Variants in ADAMTSL1 observed in about 807,000 individuals in gnomAD.
The protein encoded by ADAMTSL1 is ADAMTS-like protein 1.
Under a neutral mutation model 201.8 loss-of-function variants are expected in ADAMTSL1, and 126 were observed. That is an observed-to-expected ratio of 0.62 (90% CI 0.54 to 0.72). ADAMTSL1 has a LOEUF of 0.72. ADAMTSL1 is among the 30% of genes least tolerant of loss of function. The pLI, the probability that ADAMTSL1 is intolerant of heterozygous loss-of-function variation, is 0.00. For synonymous variants in ADAMTSL1, 1,121 were observed against 903.4 expected, an observed-to-expected ratio of 1.24 and a Z score of -4.32; for missense variants, 2,679 against 2,277.8, an observed-to-expected ratio of 1.18 and a Z score of -3.59.
chr9:18,052,372 T>TTC (rs1186831066), intron 1 of ADAMTSL1, among the ~76,000 whole-genome samples: 3 of 152,222 alleles, frequency 2.0e-5, no homozygotes, highest in African/African-American at 7.2e-5. Flanking sequence ...GAGAAGGGTT[T>TTC]TCTGGGGTAG....
chr9:18,382,833 T>C (rs1489275173), intron 2 of ADAMTSL1, among the ~76,000 whole-genome samples: 1 of 152,140 alleles, frequency 6.6e-6, no homozygotes, highest in East Asian at 1.9e-4. Flanking sequence ...ACAATGCTCA[T>C]TATAACACAG....
At chr9:18,153,142 C>G (rs1450110309) in intron 1 of ADAMTSL1, among the ~76,000 whole-genome samples, 1 of 152,028 alleles carries the variant, frequency 6.6e-6, no homozygotes, top group Admixed American at 6.6e-5. Context: ...ATTCATTGAG[C>G]TTGCAGTCAG....
chr9:18,270,008 C>T (rs1035021568), intron 2 of ADAMTSL1, among the ~76,000 whole-genome samples: 2 of 152,074 alleles, frequency 1.3e-5, no homozygotes, highest in African/African-American at 4.8e-5. Context: ...TACAAGACTC[C>T]TTCCCATAAT....
At chr9:17,992,692 C>T (rs1819208061) in intron 1 of ADAMTSL1, among the ~76,000 whole-genome samples, 1 of 152,120 alleles carries the variant, frequency 6.6e-6, no homozygotes, top group African/African-American at 2.4e-5. Context: ...CACACCACTG[C>T]ACTGCAGCCT....
chr9:18,565,395 A>G (rs1379570615), intron 3 of ADAMTSL1, among the ~76,000 whole-genome samples: 2 of 152,182 alleles, frequency 1.3e-5, no homozygotes, highest in South Asian at 2.1e-4. Context: ...TAATTTTCAC[A>G]AACACTCATT....
At chr9:18,698,695 T>G (rs1018244317) in intron 13 of ADAMTSL1, among the ~76,000 whole-genome samples, 1 of 152,214 alleles carries the variant, frequency 6.6e-6, no homozygotes, top group Non-Finnish European at 1.5e-5. Context: ...TGGTGTCATG[T>G]AATTCAAGAG....
At position 18,776,916 on chromosome 9, in the gene ADAMTSL1, T is replaced by A; in HGVS notation, c.2687T>A (p.Val896Glu). The A allele has an allele frequency of 6.2e-7, 1 of 1,607,868 alleles. No homozygotes were observed. The highest frequency in any genetic ancestry group is 8.5e-7 in the Non-Finnish European group (1 of 1,177,670). ...TACCTGCTCCCCAAGACGGCGGTGG[T>A]GCTGCGCTGCCCGGCGCGCAGGGTC... ...FAYLLPKTAV[V>E]LRCPARRVRK... Residue 896 changes from valine (V) to glutamate (E), a missense_variant, in exon 19 of 29, where the codon GTG becomes GAG. Coordinates refer to ENST00000380548, the MANE Select transcript of ADAMTSL1 (RefSeq NM_001040272.6).
chr9:18,287,606 C>CATATATGTATGTGTGTATAAGT (rs142624682), intron 2 of ADAMTSL1, among the ~76,000 whole-genome samples: 2 of 83,918 alleles, frequency 2.4e-5, no homozygotes, highest in Admixed American at 1.4e-4. Context: ...CACATATATG[C>CATATATGTATGTGTGTATAAGT]ATATATGTAT....
chr9:18,270,325 G>A (rs562217353), intron 2 of ADAMTSL1, among the ~76,000 whole-genome samples: 2 of 152,148 alleles, frequency 1.3e-5, no homozygotes, highest in South Asian at 4.2e-4. Flanking sequence ...TACCATCATC[G>A]AGAGGGTTAG....
intron 5 of ADAMTSL1, among the ~76,000 whole-genome samples, chr9:18,635,310 G>T (rs1827043819): frequency 6.6e-6 from 1 of 152,052 alleles, no homozygotes. Context: ...AGAGTGAAAA[G>T]AAATCTATTA....
chr9:18,216,079 C>T (rs1167771824), intron 2 of ADAMTSL1, among the ~76,000 whole-genome samples: 1 of 152,134 alleles, frequency 6.6e-6, no homozygotes, highest in Non-Finnish European at 1.5e-5. Flanking sequence ...ATGTGTTTCC[C>T]CCACACATTC....
At chr9:18,122,478 G>A (rs944792576) in intron 1 of ADAMTSL1, among the ~76,000 whole-genome samples, 10 of 152,122 alleles carry the variant, frequency 6.6e-5, no homozygotes, top group African/African-American at 1.9e-4. Context: ...CTCTTAGAAT[G>A]AGAAATGACA....
chr9:18,518,362 G>A lies in ADAMTSL1; in HGVS notation c.191+13406G>A, dbSNP rs140391589. ...TTTCCATCTTTATGTCCATGTGTAC[G>A]CATTGTTTAGCTCCTGCTTATAGGT... On this transcript the variant is annotated intron_variant, in intron 2 of 28. Coordinates refer to ENST00000380548, the MANE Select transcript of ADAMTSL1 (RefSeq NM_001040272.6). 3.8e-3 allele frequency among the ~76,000 whole-genome samples: 577 copies of A among 151,856 alleles called. 4 individuals carry two copies. The highest frequency in any genetic ancestry group is 0.014 in the African/African-American group (561 of 41,364).
chr9:18,138,176 C>T (rs779730664), intron 1 of ADAMTSL1, among the ~76,000 whole-genome samples: 8 of 152,018 alleles, frequency 5.3e-5, no homozygotes, highest in Non-Finnish European at 5.9e-5. Flanking sequence ...GGGAGTATGG[C>T]GAAAAGTAAG....
At chr9:18,886,828 T>C (rs897091647) in intron 23 of ADAMTSL1, among the ~76,000 whole-genome samples, 2 of 152,206 alleles carry the variant, frequency 1.3e-5, no homozygotes, top group African/African-American at 2.4e-5. Flanking sequence ...CCTCAGACTA[T>C]AGCACCATCT....
In ADAMTSL1 at chr9:18,306,125, A is replaced by G. The variant is rs550890589; in HGVS notation, c.207+142144A>G. ...GGGCCTGACTGTTAGGAAAACTAAC[A>G]AACAGAAAGGAATAGCGTCAACATC... On this transcript the variant is annotated intron_variant, in intron 2 of 29. Transcript: ENST00000680146. Among the ~76,000 whole-genome samples the G allele has an allele frequency of 7.2e-5, 11 of 152,354 alleles. No individual in the cohort carries two copies. The South Asian group carries it at 1.7e-3, about 23-fold the overall frequency.
intron 2 of ADAMTSL1, among the ~76,000 whole-genome samples, chr9:18,523,827 C>T (rs1360010627): frequency 7.2e-6 from 1 of 138,526 alleles, no homozygotes; most frequent in Non-Finnish European, 1.6e-5. Flanking sequence ...CAGTACCATG[C>T]TGTTTTGGTT....
chr9:17,995,312 T>C (rs773570852), intron 1 of ADAMTSL1, among the ~76,000 whole-genome samples: 1 of 152,062 alleles, frequency 6.6e-6, no homozygotes, highest in Non-Finnish European at 1.5e-5. Flanking sequence ...ATATTTCTCA[T>C]GGGGATTAGG....
rs1212418279 is a variant in ADAMTSL1, at chr9:18,888,055, T to C, written c.4462+12T>C. The C allele has an allele frequency of 6.2e-7, 1 of 1,608,414 alleles. No individual in the cohort carries two copies. The highest frequency in any genetic ancestry group is 1.3e-5 in the African/African-American group (1 of 74,948). On this transcript the variant is annotated intron_variant, in intron 24 of 28. Coordinates refer to ENST00000380548, the MANE Select transcript of ADAMTSL1 (RefSeq NM_001040272.6). ...TTTAGTGATCCAAGGTAAGAAACCCTGCAGACTTTGCATACTGGACTTGAA... is the reference window on the plus strand; with the variant it reads ...TTTAGTGATCCAAGGTAAGAAACCCCGCAGACTTTGCATACTGGACTTGAA...
Sources: allele counts gnomAD v4.1 joint callset (sites outside exome capture counted in the v4.1 genomes callset), GRCh38; gene constraint gnomAD v4.1.1; transcripts MANE v1.5; gene names NCBI Gene and HGNC (gene_info 2026-07-23, HGNC 2026-07-21).